The following CIMIP6 variants were observed in gnomAD, a reference collection of about 807,000 sequenced individuals.
CIMIP6 encodes uncharacterized protein C2orf73.
chr2:54,362,380 C>G, the CIMIP6 span, among the ~76,000 whole-genome samples: 12 of 152,196 alleles, frequency 7.9e-5, no homozygotes, highest in African/African-American at 2.9e-4. Flanking sequence ...AAAACACTTT[C>G]AATTTGAAGA....
At chr2:54,374,457 T>C in the CIMIP6 span, among the ~76,000 whole-genome samples, 2 of 152,240 alleles carry the variant, frequency 1.3e-5, no homozygotes, top group African/African-American at 4.8e-5. Context: ...AAGAACAAAC[T>C]ATCTCAGGGG....
chr2:54,376,210 CT>C, the CIMIP6 span, among the ~76,000 whole-genome samples: 11,876 of 147,042 alleles, frequency 0.081, 600 homozygotes, highest in African/African-American at 0.13. Context: ...TGATTTCTAC[CT>C]TTTTTTTTTT....
chr2:54,360,363 G>C, the CIMIP6 span: 2 of 1,610,244 alleles, frequency 1.2e-6, no homozygotes, highest in Non-Finnish European at 8.5e-7. Flanking sequence ...ATCTCACCAG[G>C]TCTCTGCCAA....
At chr2:54,345,909 A>T in the CIMIP6 span, among the ~76,000 whole-genome samples, 65 of 152,196 alleles carry the variant, frequency 4.3e-4, no homozygotes, top group Non-Finnish European at 1.5e-5. Flanking sequence ...TCTAAGAAAT[A>T]AGTATCAACA....
At chr2:54,334,632 G>A in the CIMIP6 span, among the ~76,000 whole-genome samples, 5 of 152,022 alleles carry the variant, frequency 3.3e-5, no homozygotes, top group Non-Finnish European at 5.9e-5. Flanking sequence ...GCCCTTTATC[G>A]CTTATATGAT....
At chr2:54,334,470 G>T in the CIMIP6 span, among the ~76,000 whole-genome samples, 1 of 152,186 alleles carries the variant, frequency 6.6e-6, no homozygotes, top group African/African-American at 2.4e-5. Flanking sequence ...AAGAAGTTGA[G>T]TTAACTATAG....
At chr2:54,340,978 T>C in the CIMIP6 span, among the ~76,000 whole-genome samples, 2 of 152,008 alleles carry the variant, frequency 1.3e-5, no homozygotes, top group African/African-American at 4.8e-5. Context: ...AAAATAATAA[T>C]AACAAATAAT....
chr2:54,379,998 C>T, the CIMIP6 span, among the ~76,000 whole-genome samples: 3 of 149,226 alleles, frequency 2.0e-5, no homozygotes, highest in African/African-American at 7.4e-5. Context: ...AAAAAATTAG[C>T]TTGGTGTGGT....
At chr2:54,374,881 A>G in the CIMIP6 span, among the ~76,000 whole-genome samples, 2 of 152,234 alleles carry the variant, frequency 1.3e-5, no homozygotes, top group African/African-American at 4.8e-5. Flanking sequence ...GGCTCCGTGC[A>G]GCCTTCCCCA....
At chr2:54,334,805 T>G in the CIMIP6 span, 1 of 1,509,762 alleles carries the variant, frequency 6.6e-7, no homozygotes, top group Non-Finnish European at 9.0e-7. Flanking sequence ...GTTTACTATT[T>G]ATGTTTTTCA....
At chr2:54,363,029 A>C in the CIMIP6 span, among the ~76,000 whole-genome samples, 1 of 152,190 alleles carries the variant, frequency 6.6e-6, no homozygotes, top group Non-Finnish European at 1.5e-5. Flanking sequence ...TCCTCAGTAC[A>C]TAAGACTCTT....
the CIMIP6 span, among the ~76,000 whole-genome samples, chr2:54,342,497 C>G: frequency 6.6e-6 from 1 of 151,852 alleles, no homozygotes; most frequent in Non-Finnish European, 1.5e-5. Context: ...AATCTTCTGA[C>G]AAGCTGACTC....
At chr2:54,382,015 G>A in the CIMIP6 span, 6 of 1,512,108 alleles carry the variant, frequency 4.0e-6, no homozygotes, top group African/African-American at 4.2e-5. Flanking sequence ...TTTTTATAAT[G>A]AGGAAGCTAA....
At chr2:54,362,789 T>A in the CIMIP6 span, among the ~76,000 whole-genome samples, 3 of 152,138 alleles carry the variant, frequency 2.0e-5, no homozygotes, top group African/African-American at 7.2e-5. Flanking sequence ...TCAATTTATC[T>A]GCCTACCTCA....
chr2:54,352,456 G>T, the CIMIP6 span, among the ~76,000 whole-genome samples: 1 of 152,120 alleles, frequency 6.6e-6, no homozygotes, highest in Non-Finnish European at 1.5e-5. Context: ...AAAATTGTTT[G>T]TATCTATACA....
At chr2:54,375,885 G>GTGTGTGTGT in the CIMIP6 span, among the ~76,000 whole-genome samples, 967 of 150,226 alleles carry the variant, frequency 6.4e-3, 13 homozygotes, top group Middle Eastern at 0.038. Flanking sequence ...TCATATAGGG[G>GTGTGTGTGT]GTGTGTGTGT....
At chr2:54,373,674 G>A in the CIMIP6 span, among the ~76,000 whole-genome samples, 439 of 152,228 alleles carry the variant, frequency 2.9e-3, 3 homozygotes, top group African/African-American at 0.01. Context: ...ACTGTAGGTG[G>A]CTGCCTATTC....
At chr2:54,363,343 T>A in the CIMIP6 span, among the ~76,000 whole-genome samples, 10 of 152,330 alleles carry the variant, frequency 6.6e-5, no homozygotes, top group East Asian at 1.7e-3. Flanking sequence ...CGGTAGCTAC[T>A]TGGGCATTAC....
the CIMIP6 span, among the ~76,000 whole-genome samples, chr2:54,363,061 T>C: frequency 2.0e-5 from 3 of 152,332 alleles, no homozygotes; most frequent in East Asian, 3.9e-4. Context: ...GATATGATCA[T>C]CTCTCCTAGG....
Sources: gnomAD v4.1 joint callset for allele counts (sites outside exome capture counted in the v4.1 genomes callset) on GRCh38, gnomAD v4.1.1 for gene constraint, MANE v1.5 for transcripts, NCBI Gene and HGNC (gene_info 2026-07-23, HGNC 2026-07-21) for gene names.